HS3ST4: variants seen among roughly 807,000 people sequenced by gnomAD.
HS3ST4 encodes the protein heparan sulfate glucosamine 3-O-sulfotransferase 4.
HS3ST4 carries 17 observed loss-of-function variants against 29.2 expected under a neutral mutation model. That is an observed-to-expected ratio of 0.58 (90% CI 0.40 to 0.87). The LOEUF is 0.87. Among genes scored for constraint, HS3ST4 ranks in the 40% least tolerant of loss-of-function variants. HS3ST4 has a pLI of 0.00. For missense variants in HS3ST4, 627 were observed against 634.5 expected (o/e 0.99, Z 0.13); for synonymous variants, 314 against 285.7 (o/e 1.10, Z -1.00).
At chr16:25,858,049 CTT>C (rs1227904974) in intron 1 of HS3ST4, among the ~76,000 whole-genome samples, 1 of 146,604 alleles carries the variant, frequency 6.8e-6, no homozygotes, top group Non-Finnish European at 1.5e-5. Flanking sequence ...TCTTCTTTCT[CTT>C]TCTTTCTTTC....
chr16:26,112,685 AAG>A (rs1156610083), intron 1 of HS3ST4, among the ~76,000 whole-genome samples: 1 of 152,118 alleles, frequency 6.6e-6, no homozygotes, highest in African/African-American at 2.4e-5. Flanking sequence ...ACAAATAAAA[AAG>A]AAAAAAAACA....
intron 1 of HS3ST4, among the ~76,000 whole-genome samples, chr16:26,086,240 T>C (rs1393791386): frequency 6.6e-6 from 1 of 152,240 alleles, no homozygotes; most frequent in East Asian, 1.9e-4. Context: ...CTTATAAATA[T>C]AAATATGAGA....
chr16:25,990,018 G>A (rs1463415863), intron 1 of HS3ST4, among the ~76,000 whole-genome samples: 1 of 152,062 alleles, frequency 6.6e-6, no homozygotes, highest in African/African-American at 2.4e-5. Flanking sequence ...ACATATAGTT[G>A]GAATCATAGA....
rs1012780624 is a variant in HS3ST4, at chr16:25,933,669, T to C, written c.735-201943T>C. Among the ~76,000 whole-genome samples, 3 of 152,196 alleles carry C rather than the reference T, an allele frequency of 2.0e-5. No homozygotes were observed. The South Asian group carries it at 6.2e-4, about 31-fold the overall frequency. Reference sequence around the variant, plus strand: ...TATAAACGAAAGAGGTTTATTTGGCTCATGTTTTTTCAGGCTGCTCGTGAT... The same window carrying C: ...TATAAACGAAAGAGGTTTATTTGGCCCATGTTTTTTCAGGCTGCTCGTGAT... On this transcript the variant is annotated intron_variant, in intron 1 of 1. Transcript: ENST00000331351.
chr16:26,063,993 G>A (rs933274836), intron 1 of HS3ST4, among the ~76,000 whole-genome samples: 1 of 152,154 alleles, frequency 6.6e-6, no homozygotes, highest in East Asian at 1.9e-4. Context: ...ACTTTCTGGA[G>A]GAAATGGCCT....
At chr16:25,864,867 A>AAT (rs980459446) in intron 1 of HS3ST4, among the ~76,000 whole-genome samples, 21 of 150,864 alleles carry the variant, frequency 1.4e-4, no homozygotes, top group African/African-American at 4.4e-4. Flanking sequence ...TGCAATCCTG[A>AAT]ATATATATAT....
At chr16:25,967,220 C>G (rs1968850981) in intron 1 of HS3ST4, among the ~76,000 whole-genome samples, 1 of 152,184 alleles carries the variant, frequency 6.6e-6, no homozygotes, top group African/African-American at 2.4e-5. Context: ...GTGGTGCAAT[C>G]TTGGCTCACT....
chr16:25,833,586 C>G (rs1967327758), intron 1 of HS3ST4, among the ~76,000 whole-genome samples: 1 of 152,114 alleles, frequency 6.6e-6, no homozygotes. Flanking sequence ...TACTATTGCT[C>G]TATGAATTGG....
At chr16:25,843,414 CTG>C (rs1967435694) in intron 1 of HS3ST4, among the ~76,000 whole-genome samples, 1 of 152,198 alleles carries the variant, frequency 6.6e-6, no homozygotes, top group African/African-American at 2.4e-5. Flanking sequence ...CCCGTGGAAA[CTG>C]TAAGCCTTCC....
intron 1 of HS3ST4, among the ~76,000 whole-genome samples, chr16:25,713,621 G>A (rs1966431959): frequency 6.6e-6 from 1 of 152,138 alleles, no homozygotes; most frequent in Non-Finnish European, 1.5e-5. Flanking sequence ...TGGGTTCCAA[G>A]GAATGGGCCA....
intron 1 of HS3ST4, among the ~76,000 whole-genome samples, chr16:25,894,498 CTT>C (rs371776075): frequency 1.4e-5 from 2 of 140,598 alleles, no homozygotes; most frequent in Non-Finnish European, 3.1e-5. Flanking sequence ...CTTTTTCTTT[CTT>C]TTTTTTTTTT....
intron 1 of HS3ST4, among the ~76,000 whole-genome samples, chr16:26,071,291 G>A (rs1013906683): frequency 4.6e-5 from 7 of 152,184 alleles, no homozygotes; most frequent in Non-Finnish European, 8.8e-5. Flanking sequence ...TTTGGAGGAT[G>A]ATGGGGAAGC....
chr16:25,991,759 C>T (rs971214251), intron 1 of HS3ST4, among the ~76,000 whole-genome samples: 31 of 152,222 alleles, frequency 2.0e-4, no homozygotes, highest in African/African-American at 6.0e-4. Context: ...CGGTGGCTCA[C>T]GCCTGTAATC....
intron 1 of HS3ST4, among the ~76,000 whole-genome samples, chr16:25,876,477 A>G (rs1236146896): frequency 6.6e-6 from 1 of 152,104 alleles, no homozygotes; most frequent in African/African-American, 2.4e-5. Context: ...TAGGATTGCA[A>G]GATGGTTCTA....
At chr16:26,111,867 AT>A (rs1311072800) in intron 1 of HS3ST4, among the ~76,000 whole-genome samples, 1 of 152,118 alleles carries the variant, frequency 6.6e-6, no homozygotes, top group East Asian at 1.9e-4. Context: ...AAATACAGAA[AT>A]TAGCCAGGCA....
chr16:25,913,769 TG>T (rs1477742368), intron 1 of HS3ST4, among the ~76,000 whole-genome samples: 3 of 150,742 alleles, frequency 2.0e-5, no homozygotes, highest in Non-Finnish European at 4.4e-5. Context: ...TGTGTATGTG[TG>T]GGGTGTATGT....
At chr16:25,895,078 G>T (rs1054535134) in intron 1 of HS3ST4, among the ~76,000 whole-genome samples, 5 of 152,038 alleles carry the variant, frequency 3.3e-5, no homozygotes, top group African/African-American at 1.2e-4. Context: ...ATGTGTTAGT[G>T]GGGTCCCTCT....
chr16:26,088,434 G>A (rs1215126396), intron 1 of HS3ST4, among the ~76,000 whole-genome samples: 4 of 152,162 alleles, frequency 2.6e-5, no homozygotes, highest in Admixed American at 1.3e-4. Context: ...TTTGTGTTTG[G>A]TTGGTTGTAA....
At chr16:25,985,119 C>T (rs913305246) in intron 1 of HS3ST4, among the ~76,000 whole-genome samples, 1 of 152,212 alleles carries the variant, frequency 6.6e-6, no homozygotes, top group Non-Finnish European at 1.5e-5. Context: ...GGACAAGTTA[C>T]TTGAATGTTC....
Sources: gnomAD v4.1 joint callset for allele counts (sites outside exome capture counted in the v4.1 genomes callset) on GRCh38, gnomAD v4.1.1 for gene constraint, MANE v1.5 for transcripts, NCBI Gene and HGNC (gene_info 2026-07-23, HGNC 2026-07-21) for gene names.